BLTP1: variants seen among roughly 807,000 people sequenced by gnomAD.
BLTP1 encodes bridge-like lipid transfer protein family member 1.
chr4:122,289,567 G>GTTT, the BLTP1 span: 1 of 985,246 alleles, frequency 1.0e-6, no homozygotes, highest in African/African-American at 1.7e-5. Context: ...TGGCAGCATG[G>GTTT]TAAATTGTCT....
chr4:122,174,770 A>AT, the BLTP1 span: 686 of 806,742 alleles, frequency 8.5e-4, 1 homozygote, highest in South Asian at 1.3e-3. Flanking sequence ...ACTAAATCAA[A>AT]TTTTTTTTTC....
At chr4:122,256,163 G>A in the BLTP1 span, 2 of 984,974 alleles carry the variant, frequency 2.0e-6, no homozygotes, top group South Asian at 4.7e-5. Context: ...GTCAAATTAG[G>A]GACCAATGTA....
chr4:122,160,137 G>A, the BLTP1 span, among the ~76,000 whole-genome samples: 2 of 152,110 alleles, frequency 1.3e-5, no homozygotes, highest in Non-Finnish European at 2.9e-5. Flanking sequence ...TGTATTTGTC[G>A]CCCATCTCTT....
At chr4:122,289,898 G>A in the BLTP1 span, 1 of 597,974 alleles carries the variant, frequency 1.7e-6, no homozygotes, top group Admixed American at 6.3e-5. Flanking sequence ...AGGGTGCTAT[G>A]AGTCTGTGTC....
the BLTP1 span, chr4:122,204,832 G>A: frequency 1.1e-6 from 1 of 873,464 alleles, no homozygotes; most frequent in African/African-American, 1.8e-5. Context: ...TAAAAGATTT[G>A]AGGTAAGCAT....
At chr4:122,293,142 A>G in the BLTP1 span, 2 of 978,010 alleles carry the variant, frequency 2.0e-6, no homozygotes, top group African/African-American at 3.5e-5. Context: ...TTAAACTTAT[A>G]TATTTATGCC....
At chr4:122,336,714 G>A in the BLTP1 span, 1 of 899,538 alleles carries the variant, frequency 1.1e-6, no homozygotes, top group Non-Finnish European at 1.3e-6. Context: ...TTGGGGGAAT[G>A]AGCAAGAGGT....
chr4:122,176,059 T>G, the BLTP1 span: 1 of 522,528 alleles, frequency 1.9e-6, no homozygotes, highest in Non-Finnish European at 3.5e-6. Context: ...CCCAGCACTT[T>G]GGGAGGCTGA....
the BLTP1 span, chr4:122,269,673 A>G: frequency 1.0e-6 from 1 of 985,034 alleles, no homozygotes; most frequent in African/African-American, 1.7e-5. Flanking sequence ...ATTGTTGTAT[A>G]TTAGTTTGGG....
the BLTP1 span, chr4:122,273,379 G>GT: frequency 1.0e-6 from 1 of 984,810 alleles, no homozygotes; most frequent in Non-Finnish European, 1.2e-6. Flanking sequence ...AAAAAATTAG[G>GT]TGGACTGACT....
the BLTP1 span, among the ~76,000 whole-genome samples, chr4:122,255,536 C>T: frequency 6.6e-6 from 1 of 152,070 alleles, no homozygotes. Context: ...ATCCCAGCTA[C>T]TTGGGAGGCT....
At chr4:122,248,618 A>G in the BLTP1 span, among the ~76,000 whole-genome samples, 1 of 152,110 alleles carries the variant, frequency 6.6e-6, no homozygotes, top group Non-Finnish European at 1.5e-5. Flanking sequence ...AAATTAAATA[A>G]TGAGAAAATT....
chr4:122,189,118 A>G, the BLTP1 span: 71 of 929,562 alleles, frequency 7.6e-5, no homozygotes, highest in Non-Finnish European at 8.6e-5. Context: ...TAAGATGAAA[A>G]AGTGTCTTGC....
At chr4:122,180,706 A>G in the BLTP1 span, among the ~76,000 whole-genome samples, 3 of 152,270 alleles carry the variant, frequency 2.0e-5, no homozygotes, top group Non-Finnish European at 2.9e-5. Context: ...TAATTATGTA[A>G]TTGGGACACA....
At chr4:122,339,082 T>A in the BLTP1 span, 1 of 1,111,924 alleles carries the variant, frequency 9.0e-7, no homozygotes, top group Non-Finnish European at 1.3e-6. Flanking sequence ...TCAGGTGATA[T>A]ACTTTATTTC....
At chr4:122,244,570 TA>T in the BLTP1 span, 1 of 698,594 alleles carries the variant, frequency 1.4e-6, no homozygotes, top group African/African-American at 1.9e-5. Context: ...TATATAAAAC[TA>T]ACATGAATAA....
the BLTP1 span, chr4:122,279,723 T>A: frequency 6.5e-7 from 1 of 1,542,462 alleles, no homozygotes; most frequent in Non-Finnish European, 8.7e-7. Context: ...TCAAAATTTC[T>A]CTTTACTTGG....
chr4:122,186,181 A>G, the BLTP1 span: 1 of 1,612,538 alleles, frequency 6.2e-7, no homozygotes. Context: ...ATGATAAAAC[A>G]CGGGAAATTG....
the BLTP1 span, chr4:122,249,669 T>G: frequency 6.2e-7 from 1 of 1,613,568 alleles, no homozygotes; most frequent in Non-Finnish European, 8.5e-7. Flanking sequence ...GACTTGAAAA[T>G]TTAACCATAA....
Sources: gnomAD v4.1 joint callset for allele counts (sites outside exome capture counted in the v4.1 genomes callset) on GRCh38, gnomAD v4.1.1 for gene constraint, MANE v1.5 for transcripts, NCBI Gene and HGNC (gene_info 2026-07-23, HGNC 2026-07-21) for gene names.